Variants in FRYL observed in about 807,000 individuals in gnomAD.
FRYL encodes the protein FRY like transcription coactivator.
A neutral mutation model predicts 351.2 loss-of-function variants in FRYL; 150 were observed. That is an observed-to-expected ratio of 0.43 (90% CI 0.37 to 0.49). The LOEUF (loss-of-function observed/expected upper bound fraction) is 0.49, where lower values mean the gene tolerates loss of function less well. FRYL is among the 20% of genes least tolerant of loss of function. The probability of loss-of-function intolerance (pLI) is 0.00; values close to 1 mark genes in which losing one functional copy is unlikely to be tolerated. For synonymous variants in FRYL, 1,153 were observed against 1,257.1 expected (o/e 0.92, Z 1.75); for missense variants, 3,036 against 3,619.3 (o/e 0.84, Z 4.13).
At chr4:48,636,811 A>T (rs542603271) in intron 3 of FRYL, 14 of 152,098 alleles carry the variant, frequency 9.2e-5, no homozygotes, top group Admixed American at 3.3e-4. Flanking sequence ...GAAATTATTA[A>T]TATAAAAAAG....
intron 3 of FRYL, among the ~76,000 whole-genome samples, chr4:48,657,630 T>C (rs1463923414): frequency 2.6e-5 from 4 of 152,284 alleles, no homozygotes; most frequent in Admixed American, 1.3e-4. Context: ...CATAAAAAGA[T>C]AGCCCCAAAA....
chr4:48,670,627 C>T (rs1280453818), intron 3 of FRYL, among the ~76,000 whole-genome samples: 6 of 152,022 alleles, frequency 3.9e-5, no homozygotes, highest in Admixed American at 3.3e-4. Context: ...CCTCTGGTAA[C>T]CATCCTTCTA....
chr4:48,582,772 C>T (rs1350532948), intron 19 of FRYL, 38 bp from the exon 20 acceptor site: 1 of 1,327,486 alleles, frequency 7.5e-7, no homozygotes, highest in Non-Finnish European at 1.1e-6. Context: ...ACTTCAATAC[C>T]TTTCAATTAG....
At chr4:48,578,251 A>C (rs934911583) in intron 23 of FRYL, among the ~76,000 whole-genome samples, 2 of 152,132 alleles carry the variant, frequency 1.3e-5, no homozygotes, top group African/African-American at 4.8e-5. Flanking sequence ...GTCAGGTTTG[A>C]AGAGCCTTTA....
At chr4:48,538,899 G>C (rs998756820) in intron 47 of FRYL, among the ~76,000 whole-genome samples, 1 of 151,946 alleles carries the variant, frequency 6.6e-6, no homozygotes, top group African/African-American at 2.4e-5. Context: ...CTCAATGACT[G>C]ACTGAAAAAA....
At chr4:48,531,102 T>A in intron 50 of FRYL, 54 bp downstream of exon 50, 1 of 1,131,728 alleles carries the variant, frequency 8.8e-7, no homozygotes, top group Non-Finnish European at 1.3e-6. Flanking sequence ...AATGAATAAA[T>A]AAACAAATGA....
At chr4:48,556,419 T>A (rs1406817123) in intron 35 of FRYL, among the ~76,000 whole-genome samples, 1 of 152,222 alleles carries the variant, frequency 6.6e-6, no homozygotes, top group Non-Finnish European at 1.5e-5. Flanking sequence ...GTTATCTTCT[T>A]CGTTTCATAT....
intron 16 of FRYL, among the ~76,000 whole-genome samples, chr4:48,593,683 C>G (rs543170934): frequency 6.6e-6 from 1 of 152,118 alleles, no homozygotes; most frequent in African/African-American, 2.4e-5. Flanking sequence ...TTTTCTACCA[C>G]GCTTAAACAC....
intron 12 of FRYL, among the ~76,000 whole-genome samples, chr4:48,602,572 G>GA (rs373677770): frequency 2.7e-5 from 4 of 147,706 alleles, no homozygotes; most frequent in East Asian, 2.0e-4. Context: ...CTTAAAGTAA[G>GA]AAAAAAAAAA....
At chr4:48,692,798 GA>G (rs1030177603) in intron 2 of FRYL, among the ~76,000 whole-genome samples, 14 of 152,282 alleles carry the variant, frequency 9.2e-5, no homozygotes, top group African/African-American at 3.4e-4. Flanking sequence ...CAAAATGCTT[GA>G]AATATGGCAA....
intron 49 of FRYL, among the ~76,000 whole-genome samples, chr4:48,533,703 G>A (rs549377338): frequency 3.3e-5 from 5 of 152,204 alleles, no homozygotes; most frequent in African/African-American, 1.2e-4. Flanking sequence ...AGCTCAAACC[G>A]ACAGCTTAAC....
intron 9 of FRYL, among the ~76,000 whole-genome samples, chr4:48,607,515 A>C (rs772341257): frequency 2.0e-5 from 3 of 152,192 alleles, no homozygotes; most frequent in Non-Finnish European, 4.4e-5. Flanking sequence ...TTAGAATCCA[A>C]GGATTTTTTC....
At chr4:48,527,944 T>C (rs765747658) in intron 52 of FRYL, 27 bp downstream of exon 52, 12 of 1,509,002 alleles carry the variant, frequency 8.0e-6, no homozygotes, top group Non-Finnish European at 1.1e-5. Flanking sequence ...CTTTAAGACC[T>C]TGACACAGGT....
intron 39 of FRYL, 30 bp from the exon 40 acceptor site, chr4:48,548,823 T>C (rs1283861848): frequency 2.4e-6 from 3 of 1,274,002 alleles, no homozygotes; most frequent in Non-Finnish European, 3.4e-6. Context: ...CATTAACGTT[T>C]TACTAGATCT....
chr4:48,510,789 C>G (rs1722310199), intron 58 of FRYL, 46 bp downstream of exon 58: 1 of 1,429,398 alleles, frequency 7.0e-7, no homozygotes, highest in Non-Finnish European at 9.7e-7. Flanking sequence ...CTGAATGATG[C>G]CATTCCAATG....
At chr4:48,540,122 A>G (rs932634682) in intron 46 of FRYL, 54 bp from the exon 47 acceptor site, 46 of 1,379,928 alleles carry the variant, frequency 3.3e-5, no homozygotes, top group Middle Eastern at 1.8e-4. Flanking sequence ...CATTATTTTA[A>G]AAGTTAAAGT....
intron 27 of FRYL, among the ~76,000 whole-genome samples, chr4:48,568,431 T>C (rs1320843064): frequency 1.3e-5 from 2 of 152,220 alleles, no homozygotes; most frequent in Non-Finnish European, 2.9e-5. Context: ...TTAGTAAGGA[T>C]GTAAATGAAC....
At chr4:48,600,130 A>G (rs527575806) in intron 13 of FRYL, among the ~76,000 whole-genome samples, 2 of 152,238 alleles carry the variant, frequency 1.3e-5, no homozygotes, top group South Asian at 2.1e-4. Context: ...TATAGGTCTA[A>G]TAAAAGGAAA....
intron 3 of FRYL, among the ~76,000 whole-genome samples, chr4:48,640,516 G>C (rs1402127752): frequency 6.6e-6 from 1 of 152,134 alleles, no homozygotes; most frequent in Admixed American, 6.6e-5. Flanking sequence ...GCAATGAATA[G>C]GTAGAACACA....
Sources: allele counts gnomAD v4.1 joint callset (sites outside exome capture counted in the v4.1 genomes callset), GRCh38; gene constraint gnomAD v4.1.1; transcripts MANE v1.5; gene names NCBI Gene and HGNC (gene_info 2026-07-23, HGNC 2026-07-21).